Variants in CDKL2 observed in about 807,000 individuals in gnomAD.
CDKL2 encodes cyclin-dependent kinase-like 2.
Under a neutral mutation model 63.9 loss-of-function variants are expected in CDKL2, and 64 were observed. The ratio of observed to expected loss-of-function variants is 1.00; its 90% CI spans 0.82 to 1.23. The LOEUF (loss-of-function observed/expected upper bound fraction) is 1.23. CDKL2 is among the 50% of genes most tolerant of loss of function. The probability of loss-of-function intolerance (pLI) is 0.00; values close to 1 mark genes in which losing one functional copy is unlikely to be tolerated. For missense variants in CDKL2, 656 were observed against 668.0 expected, an observed-to-expected ratio of 0.98 and a Z score of 0.20; for synonymous variants, 211 against 229.2, an observed-to-expected ratio of 0.92 and a Z score of 0.72.
intron 7 of CDKL2, among the ~76,000 whole-genome samples, chr4:75,599,750 A>G (rs1185218850): frequency 6.6e-6 from 1 of 152,168 alleles, no homozygotes; most frequent in Non-Finnish European, 1.5e-5. Flanking sequence ...TTATTAAGCT[A>G]CGTGTTACTG....
chr4:75,629,640 G>A (rs996070045), intron 1 of CDKL2, among the ~76,000 whole-genome samples: 1 of 152,086 alleles, frequency 6.6e-6, no homozygotes, highest in African/African-American at 2.4e-5. Flanking sequence ...TTTTTATTTT[G>A]TTTAAGACAG....
At chr4:75,593,184 A>T (rs1487527725) in intron 10 of CDKL2, among the ~76,000 whole-genome samples, 1 of 152,158 alleles carries the variant, frequency 6.6e-6, no homozygotes, top group Non-Finnish European at 1.5e-5. Context: ...TCATAGAACA[A>T]GCGCTAAGGC....
intron 2 of CDKL2, among the ~76,000 whole-genome samples, chr4:75,619,448 A>G (rs1428592717): frequency 1.3e-5 from 2 of 152,080 alleles, no homozygotes; most frequent in Non-Finnish European, 2.9e-5. Flanking sequence ...CAGGCCAGAG[A>G]TGGTTTGTAG....
intron 12 of CDKL2, among the ~76,000 whole-genome samples, chr4:75,591,477 A>G (rs1728712589): frequency 6.6e-6 from 1 of 152,142 alleles, no homozygotes; most frequent in Non-Finnish European, 1.5e-5. Context: ...CATGCCTGTA[A>G]TCTCAGCTAC....
At chr4:75,602,739 G>A (rs1232502932) in intron 6 of CDKL2, among the ~76,000 whole-genome samples, 1 of 151,050 alleles carries the variant, frequency 6.6e-6, no homozygotes, top group East Asian at 2.0e-4. Context: ...GGCCAGGCTG[G>A]TCTCCAACTC....
At chr4:75,604,731 T>A (rs905879313) in intron 5 of CDKL2, among the ~76,000 whole-genome samples, 1 of 152,216 alleles carries the variant, frequency 6.6e-6, no homozygotes, top group South Asian at 2.1e-4. Flanking sequence ...TAATAAATGA[T>A]CATTGCATCC....
At chr4:75,618,252 T>TC (rs1730014056) in intron 2 of CDKL2, among the ~76,000 whole-genome samples, 2 of 98,276 alleles carry the variant, frequency 2.0e-5, no homozygotes, top group Non-Finnish European at 4.2e-5. Context: ...TTTTTTTTTT[T>TC]TTTTTTTTTT....
chr4:75,618,239 CTTTTTTTTTTTT>C (rs56002333), intron 2 of CDKL2, among the ~76,000 whole-genome samples: 3 of 52,946 alleles, frequency 5.7e-5, no homozygotes, highest in Non-Finnish European at 6.4e-5. Context: ...ATTGAAAATT[CTTTTTTTTTTTT>C]TTTTTTTTTT....
At chr4:75,596,388 AT>A in intron 9 of CDKL2, 48 bp from the exon 10 acceptor site, 3 of 1,202,332 alleles carry the variant, frequency 2.5e-6, no homozygotes, top group Admixed American at 1.7e-5. Context: ...AGCAATAATT[AT>A]TTTTTCAAGC....
In CDKL2 at chr4:75,596,350, CA is replaced by C. The variant is rs201306940; in HGVS notation, c.1323-11del. On this transcript the variant is annotated splice_polypyrimidine_tract_variant and intron_variant, in intron 9 of 13. Coordinates refer to ENST00000307465, the MANE Select transcript of CDKL2 (RefSeq NM_001330724.2). ...AGTTTTCTCATCCACTCTGTAACGACAAAAAAAAATGTTTTTAAGTTAGAAC... is the reference window on the plus strand; with the variant it reads ...AGTTTTCTCATCCACTCTGTAACGACAAAAAAAATGTTTTTAAGTTAGAAC... 1.2e-3 allele frequency: 1,761 copies of C among 1,464,118 alleles called. No individual in the cohort carries two copies. Among genetic ancestry groups the C allele is most frequent in the Non-Finnish European group, 1.3e-3 (1,436 of 1,067,614 alleles). 90.7% of individuals were successfully genotyped at this position (1,464,118 alleles called of 1,614,324 possible).
intron 13 of CDKL2, among the ~76,000 whole-genome samples, chr4:75,580,694 C>CT (rs368796538): frequency 0.017 from 2,157 of 129,648 alleles, 52 homozygotes; most frequent in African/African-American, 0.051. Flanking sequence ...TTTGTTTTGG[C>CT]TTTTTTTTTT....
chr4:75,598,133 T>A lies in CDKL2; in HGVS notation c.964A>T (p.Lys322Ter). 6.4e-7 allele frequency: 1 copy of A among 1,559,726 alleles called. No individual in the cohort carries two copies. The highest frequency in any genetic ancestry group is 8.7e-7 in the Non-Finnish European group (1 of 1,142,868). Residue 322 changes from lysine (K) to a stop codon, truncating the protein, a stop_gained, in exon 8 of 14, where the codon AAG (lysine) becomes TAG (stop). Transcript: ENST00000307465. LOFTEE classifies it high-confidence loss of function. The part of the protein sequence containing the change: ...SLSKKSQNRK[K>*]EKEKDDSLVE... ...AAGGAATCATCTTTTTCTTTTTCCT[T>A]CTTTCTGTTTTGGGATTTTTTAGAT...
intron 6 of CDKL2, 38 bp downstream of exon 6, chr4:75,603,779 A>G (rs1729305576): frequency 6.7e-7 from 1 of 1,487,012 alleles, no homozygotes; most frequent in East Asian, 2.4e-5. Flanking sequence ...TAGTGCATAA[A>G]TTCCCTGTCA....
intron 12 of CDKL2, among the ~76,000 whole-genome samples, chr4:75,585,047 A>T (rs1728414763): frequency 6.6e-6 from 1 of 152,222 alleles, no homozygotes; most frequent in Non-Finnish European, 1.5e-5. Context: ...CTGTGAAAGA[A>T]ACACTTTAAA....
At chr4:75,607,708 T>C (rs1257524220) in intron 3 of CDKL2, among the ~76,000 whole-genome samples, 2 of 152,192 alleles carry the variant, frequency 1.3e-5, no homozygotes, top group African/African-American at 4.8e-5. Flanking sequence ...CATAGGTCTT[T>C]AATACTAAGT....
chr4:75,625,341 T>C (rs1204425647), intron 2 of CDKL2, among the ~76,000 whole-genome samples: 1 of 152,094 alleles, frequency 6.6e-6, no homozygotes, highest in African/African-American at 2.4e-5. Context: ...AATATACTTT[T>C]AAATAACTCA....
At chr4:75,587,395 A>G (rs1324900502) in intron 12 of CDKL2, among the ~76,000 whole-genome samples, 2 of 152,170 alleles carry the variant, frequency 1.3e-5, no homozygotes, top group Admixed American at 1.3e-4. Flanking sequence ...TAGAGGTTGC[A>G]GCGAGTTGAG....
At chr4:75,621,530 C>CTT (rs143649249) in intron 2 of CDKL2, among the ~76,000 whole-genome samples, 3 of 150,096 alleles carry the variant, frequency 2.0e-5, no homozygotes, top group Non-Finnish European at 4.4e-5. Flanking sequence ...GCCTTTTTTT[C>CTT]TTTTTTTTTG....
At chr4:75,623,544 C>G (rs922218107) in intron 2 of CDKL2, among the ~76,000 whole-genome samples, 2 of 152,168 alleles carry the variant, frequency 1.3e-5, no homozygotes, top group South Asian at 4.1e-4. Context: ...TAGACTTTAA[C>G]AAATCCCTAG....
Sources: allele counts gnomAD v4.1 joint callset (sites outside exome capture counted in the v4.1 genomes callset), GRCh38; gene constraint gnomAD v4.1.1; transcripts MANE v1.5; gene names NCBI Gene and HGNC (gene_info 2026-07-23, HGNC 2026-07-21).